Variants in GLIS3 observed in about 807,000 individuals in gnomAD.
The protein encoded by GLIS3 is GLIS family zinc finger 3, also known as zinc finger protein GLIS3.
A neutral mutation model predicts 78.6 loss-of-function variants in GLIS3; 53 were observed. That is an observed-to-expected ratio of 0.67 (90% CI 0.54 to 0.85). GLIS3 has a LOEUF of 0.85. GLIS3 is among the 40% of genes least tolerant of loss of function. GLIS3 has a pLI of 0.00. For missense variants in GLIS3, 1,703 were observed against 1,231.1 expected, an observed-to-expected ratio of 1.38 and a Z score of -5.74; for synonymous variants, 684 against 509.9, an observed-to-expected ratio of 1.34 and a Z score of -4.60.
At chr9:4,179,395 C>T (rs2131164152) in intron 2 of GLIS3, among the ~76,000 whole-genome samples, 1 of 152,286 alleles carries the variant, frequency 6.6e-6, no homozygotes, top group African/African-American at 2.4e-5. Flanking sequence ...CCCCAGCTTT[C>T]AAAGGTCTTC....
intron 8 of GLIS3, among the ~76,000 whole-genome samples, chr9:3,867,577 G>A (rs868055099): frequency 3.3e-5 from 5 of 152,178 alleles, no homozygotes; most frequent in Admixed American, 6.5e-5. Context: ...AACAAAATAG[G>A]AAGAGGCCAC....
chr9:4,065,394 T>G (rs1827010009), intron 4 of GLIS3, among the ~76,000 whole-genome samples: 1 of 152,246 alleles, frequency 6.6e-6, no homozygotes, highest in South Asian at 2.1e-4. Flanking sequence ...TATAAAGACC[T>G]TCACTTTTTA....
intron 2 of GLIS3, among the ~76,000 whole-genome samples, chr9:4,214,089 C>G (rs578185571): frequency 6.6e-6 from 1 of 152,336 alleles, no homozygotes; most frequent in Non-Finnish European, 1.5e-5. Context: ...GCCTTTGCCA[C>G]AGCCTCTGCT....
rs184683604 is a variant in GLIS3, at chr9:4,164,710, G to A, written c.389-38769C>T. 2.8e-4 allele frequency among the ~76,000 whole-genome samples: 43 copies of A among 152,276 alleles called. No homozygotes were observed. The East Asian group carries it at 7.9e-3, about 28-fold the overall frequency. ...ATGGCAAAGAACATCCCATGAGCAT[G>A]CAACAAACAATATTGGAAAGCAAAA... is the stretch of plus-strand genomic sequence containing the variant. On this transcript the variant is annotated intron_variant, in intron 2 of 10. Coordinates refer to ENST00000381971, the MANE Select transcript of GLIS3 (RefSeq NM_001042413.2).
chr9:4,100,148 T>A (rs1023809921), intron 4 of GLIS3, among the ~76,000 whole-genome samples: 1 of 152,244 alleles, frequency 6.6e-6, no homozygotes, highest in Non-Finnish European at 1.5e-5. Context: ...CTGTTATATA[T>A]CGGTAAAAGA....
the GLIS3 span, among the ~76,000 whole-genome samples, chr9:4,425,636 C>T: frequency 6.6e-6 from 1 of 152,214 alleles, no homozygotes; most frequent in African/African-American, 2.4e-5. Context: ...CAGCTGTCAT[C>T]TGCCTGGAAA....
chr9:4,041,591 G>A (rs1029390800), intron 4 of GLIS3, among the ~76,000 whole-genome samples: 1 of 152,080 alleles, frequency 6.6e-6, no homozygotes, highest in Non-Finnish European at 1.5e-5. Context: ...ACGGTGCTTC[G>A]TTTCCTAATC....
In GLIS3 at chr9:4,161,675, C is replaced by CTTTT. The variant is rs55904647; in HGVS notation, c.389-35738_389-35735dup. Among the ~76,000 whole-genome samples, 178 of 114,174 alleles carry CTTTT rather than the reference C, an allele frequency of 1.6e-3. 8 individuals are homozygous for CTTTT. Among genetic ancestry groups the CTTTT allele is most frequent in the African/African-American group, 4.6e-3 (131 of 28,756 alleles). 74.9% of individuals were successfully genotyped at this position (114,174 alleles called of 152,430 possible). A position where few individuals can be genotyped will look rare whatever the true frequency, so the allele number is the denominator to read the frequency against. The stretch of plus-strand genomic sequence containing the variant: ...TCTCCAAGTTCTGGATGCTAGAAGT[C>CTTTT]TTTTTTTTTTTTTTTTTTTTGAGAC... On this transcript the variant is annotated intron_variant, in intron 2 of 10. Transcript: ENST00000381971.
chr9:4,479,321 C>T, the GLIS3 span, among the ~76,000 whole-genome samples: 3 of 152,154 alleles, frequency 2.0e-5, no homozygotes, highest in African/African-American at 7.2e-5. Context: ...TATTTAGATC[C>T]TGGTGTCCAG....
chr9:4,363,275 T>C, the GLIS3 span, among the ~76,000 whole-genome samples: 1 of 151,996 alleles, frequency 6.6e-6, no homozygotes, highest in African/African-American at 2.4e-5. Context: ...ATACAAAAAT[T>C]AGCCAGGTGT....
chr9:4,024,587 T>C (rs958953413), intron 4 of GLIS3, among the ~76,000 whole-genome samples: 1 of 152,136 alleles, frequency 6.6e-6, no homozygotes, highest in African/African-American at 2.4e-5. Context: ...GGTGGGAAGC[T>C]CAGAGTGTAT....
At chr9:4,079,966 T>TCTGAATA (rs1400101377) in intron 4 of GLIS3, among the ~76,000 whole-genome samples, 1 of 152,178 alleles carries the variant, frequency 6.6e-6, no homozygotes, top group Non-Finnish European at 1.5e-5. Flanking sequence ...GAAAGGATAC[T>TCTGAATA]CTGAATACTC....
intron 2 of GLIS3, among the ~76,000 whole-genome samples, chr9:4,320,039 G>A (rs1048357133): frequency 2.7e-5 from 4 of 150,830 alleles, no homozygotes; most frequent in Non-Finnish European, 4.4e-5. Context: ...GCGCACAAGA[G>A]TCAAATTAGT....
chr9:4,043,002 A>T (rs1824950704), intron 4 of GLIS3, among the ~76,000 whole-genome samples: 1 of 151,578 alleles, frequency 6.6e-6, no homozygotes, highest in Admixed American at 6.6e-5. Flanking sequence ...CAAGAGTGGC[A>T]ATCTTGGAAA....
the GLIS3 span, among the ~76,000 whole-genome samples, chr9:4,423,667 C>T: frequency 6.6e-6 from 1 of 152,132 alleles, no homozygotes. Context: ...CAGCCCAATG[C>T]CCTATAATAA....
chr9:4,077,449 T>C lies in GLIS3; in HGVS notation c.1710+40319A>G, dbSNP rs77355999. Among the ~76,000 whole-genome samples, 699 of 152,124 alleles carry C rather than the reference T, an allele frequency of 4.6e-3. 6 individuals carry two copies. The highest frequency in any genetic ancestry group is 0.016 in the African/African-American group (658 of 41,522). ...CTGGGCATAGTTGGCCTGGAGAAAA[T>C]AAAACTTAGAAAGGAAAGATACTTC... is the stretch of plus-strand genomic sequence containing the variant. On this transcript the variant is annotated intron_variant, in intron 4 of 10. Transcript: ENST00000381971.
the GLIS3 span, among the ~76,000 whole-genome samples, chr9:4,366,315 C>G: frequency 1.3e-5 from 2 of 152,212 alleles, no homozygotes; most frequent in African/African-American, 4.8e-5. Flanking sequence ...AAAGAGTAGA[C>G]TTCTTTAGCT....
At chr9:3,974,897 A>T (rs1289282754) in intron 4 of GLIS3, among the ~76,000 whole-genome samples, 4 of 152,118 alleles carry the variant, frequency 2.6e-5, no homozygotes, top group Admixed American at 2.6e-4. Flanking sequence ...GGAATCAAAA[A>T]GCACCAGAAA....
At chr9:4,113,822 C>T (rs1018637991) in intron 4 of GLIS3, among the ~76,000 whole-genome samples, 2 of 152,106 alleles carry the variant, frequency 1.3e-5, no homozygotes, top group African/African-American at 2.4e-5. Flanking sequence ...GCCCAATATT[C>T]AAGCCAAAGA....
Sources: allele counts gnomAD v4.1 joint callset (sites outside exome capture counted in the v4.1 genomes callset), GRCh38; gene constraint gnomAD v4.1.1; transcripts MANE v1.5; gene names NCBI Gene and HGNC (gene_info 2026-07-23, HGNC 2026-07-21).